TNFSF11: variants seen among roughly 807,000 people sequenced by gnomAD.
TNFSF11 encodes TNF superfamily member 11, also known as tumor necrosis factor ligand superfamily member 11.
TNFSF11 carries 12 observed loss-of-function variants against 32.2 expected under a neutral mutation model. That is an observed-to-expected ratio of 0.37 (90% CI 0.24 to 0.60). The LOEUF (loss-of-function observed/expected upper bound fraction) is 0.60. TNFSF11 is among the 20% of genes least tolerant of loss of function. The pLI, the probability that TNFSF11 is intolerant of heterozygous loss-of-function variation, is 0.66. For missense variants in TNFSF11, 345 were observed against 398.0 expected (o/e 0.87, Z 1.13); for synonymous variants, 172 against 152.1 (o/e 1.13, Z -0.96).
At chr13:42,569,212 A>C (rs1178705443), upstream of TNFSF11, among the ~76,000 whole-genome samples, 1 of 152,190 alleles carries the variant, frequency 6.6e-6, no homozygotes, top group Non-Finnish European at 1.5e-5. Flanking sequence ...GATCCTGGAT[A>C]GTCTGGGTGG....
intron 1 of TNFSF11, among the ~76,000 whole-genome samples, chr13:42,576,248 C>A (rs1443417889): frequency 3.9e-5 from 6 of 152,162 alleles, no homozygotes; most frequent in Non-Finnish European, 8.8e-5. Context: ...GAACCATGAA[C>A]AGCTTGGCTT....
chr13:42,589,294 T>C (rs1430133336), intron 2 of TNFSF11, among the ~76,000 whole-genome samples: 1 of 152,154 alleles, frequency 6.6e-6, no homozygotes, highest in Non-Finnish European at 1.5e-5. Flanking sequence ...TCTACCGCCT[T>C]ACAAAACCTT....
intron 2 of TNFSF11, among the ~76,000 whole-genome samples, chr13:42,582,051 T>G (rs1253921291): frequency 6.6e-6 from 1 of 152,190 alleles, no homozygotes; most frequent in Non-Finnish European, 1.5e-5. Flanking sequence ...GTGCAAAACC[T>G]GTGTGTACGT....
chr13:42,604,846 C>T (rs555552980), intron 4 of TNFSF11, among the ~76,000 whole-genome samples: 6 of 152,238 alleles, frequency 3.9e-5, no homozygotes, highest in African/African-American at 7.2e-5. Context: ...TGCCGTAGCG[C>T]GATCTTGGCT....
At chr13:42,591,348 T>C (rs1040037899) in intron 2 of TNFSF11, among the ~76,000 whole-genome samples, 2 of 152,162 alleles carry the variant, frequency 1.3e-5, no homozygotes, top group African/African-American at 4.8e-5. Flanking sequence ...GCTCCTCCTA[T>C]CTGCCTGCTG....
chr13:42,585,708 G>A (rs1032282483), intron 2 of TNFSF11, among the ~76,000 whole-genome samples: 1 of 152,190 alleles, frequency 6.6e-6, no homozygotes, highest in African/African-American at 2.4e-5. Context: ...CTCCCAAAAT[G>A]GCAGAGAGGA....
chr13:42,583,436 A>AAAAAAAAAAAAAAC (rs1873722178), intron 2 of TNFSF11, among the ~76,000 whole-genome samples: 1 of 112,178 alleles, frequency 8.9e-6, no homozygotes. Flanking sequence ...AAAAAAAAAA[A>AAAAAAAAAAAAAAC]AAGAAAGGAA....
chr13:42,581,335 A>T, intron 2 of TNFSF11, 42 bp downstream of exon 2: 1 of 1,608,460 alleles, frequency 6.2e-7, no homozygotes, highest in Non-Finnish European at 8.5e-7. Context: ...GCCCTTGCTG[A>T]CTCTACCAAT....
chr13:42,606,126 C>T (rs1014041861), intron 4 of TNFSF11, among the ~76,000 whole-genome samples: 2 of 152,194 alleles, frequency 1.3e-5, no homozygotes, highest in Non-Finnish European at 1.5e-5. Context: ...GCATTCTTTA[C>T]CCTTCTGGGT....
chr13:42,599,372 C>CTATCTATCTATT (rs879293020), intron 2 of TNFSF11, among the ~76,000 whole-genome samples: 5,299 of 150,294 alleles, frequency 0.035, 140 homozygotes, highest in Non-Finnish European at 0.054. Context: ...ATCTATCTAT[C>CTATCTATCTATT]TATCTATCTA....
At chr13:42,566,189 T>G (rs1286702531) in intron 1 of TNFSF11, among the ~76,000 whole-genome samples, 1 of 152,248 alleles carries the variant, frequency 6.6e-6, no homozygotes. Flanking sequence ...GGTAATCCCA[T>G]GCATCCTGAC....
chr13:42,598,097 T>C (rs909056675), intron 2 of TNFSF11, among the ~76,000 whole-genome samples: 6 of 152,198 alleles, frequency 3.9e-5, no homozygotes, highest in Non-Finnish European at 8.8e-5. Context: ...TCCTCCCACC[T>C]TGACCTCTTA....
intron 4 of TNFSF11, among the ~76,000 whole-genome samples, chr13:42,604,159 T>C (rs1403410846): frequency 6.6e-6 from 1 of 152,164 alleles, no homozygotes; most frequent in Non-Finnish European, 1.5e-5. Flanking sequence ...AGAAAAATCA[T>C]TGATTGAACA....
At chr13:42,570,554 T>C (rs920465274), upstream of TNFSF11, among the ~76,000 whole-genome samples, 1 of 152,250 alleles carries the variant, frequency 6.6e-6, no homozygotes, top group African/African-American at 2.4e-5. Context: ...TAATACCTAT[T>C]AGCTTACAAG....
rs588383 is a variant in TNFSF11 at position 42,593,078 on chromosome 13, G to A, written c.388-7674G>A. 1.0e-2 allele frequency among the ~76,000 whole-genome samples: 1,519 copies of A among 152,232 alleles called. 21 individuals carry two copies. The highest frequency in any genetic ancestry group is 0.034 in the African/African-American group (1,427 of 41,524). ...GAAAGATCCAATCTTCTAATCACAT[G>A]ACCGGTCCCTCTGGAAACCAGATCC... On this transcript the variant is annotated intron_variant, in intron 2 of 4. Coordinates refer to ENST00000398795, the MANE Select transcript of TNFSF11 (RefSeq NM_003701.4).
At chr13:42,585,227 A>G (rs961873907) in intron 2 of TNFSF11, among the ~76,000 whole-genome samples, 1 of 152,246 alleles carries the variant, frequency 6.6e-6, no homozygotes, top group Non-Finnish European at 1.5e-5. Flanking sequence ...TGCATTAGGC[A>G]TTCTTAAGTA....
intron 1 of TNFSF11, among the ~76,000 whole-genome samples, chr13:42,564,032 T>C (rs1043496640): frequency 6.6e-6 from 1 of 152,196 alleles, no homozygotes; most frequent in African/African-American, 2.4e-5. Flanking sequence ...CTAAATATTG[T>C]TCCTCTATTT....
chr13:42,572,946 C>T (rs914210453), upstream of TNFSF11, among the ~76,000 whole-genome samples: 4 of 152,148 alleles, frequency 2.6e-5, no homozygotes, highest in African/African-American at 4.8e-5. Flanking sequence ...AACCCCTCCC[C>T]GCAAATACCA....
At chr13:42,575,477 A>AT (rs113501805) in intron 1 of TNFSF11, among the ~76,000 whole-genome samples, 48 of 150,884 alleles carry the variant, frequency 3.2e-4, no homozygotes, top group Middle Eastern at 3.4e-3. Flanking sequence ...CTGACTGTGC[A>AT]TTTTTTTTTA....
Sources: allele counts gnomAD v4.1 joint callset (sites outside exome capture counted in the v4.1 genomes callset), GRCh38; gene constraint gnomAD v4.1.1; transcripts MANE v1.5; gene names NCBI Gene and HGNC (gene_info 2026-07-23, HGNC 2026-07-21).